The following TCF7L2 variants were observed in gnomAD, a reference collection of about 807,000 sequenced individuals.
TCF7L2 encodes transcription factor 7-like 2.
A neutral mutation model predicts 77.9 loss-of-function variants in TCF7L2; 23 were observed. The observed-to-expected ratio is 0.30, with a 90% CI of 0.21 to 0.42. The LOEUF (loss-of-function observed/expected upper bound fraction) is 0.42. TCF7L2 is among the 10% of genes least tolerant of loss of function. The pLI, the probability that TCF7L2 is intolerant of heterozygous loss-of-function variation, is 1.00. For synonymous variants in TCF7L2, 413 were observed against 340.2 expected, an observed-to-expected ratio of 1.21 and a Z score of -2.36; for missense variants, 654 against 793.1, an observed-to-expected ratio of 0.82 and a Z score of 2.11.
intron 4 of TCF7L2, among the ~76,000 whole-genome samples, chr10:112,979,775 A>T (rs1479595773): frequency 6.6e-6 from 1 of 151,106 alleles, no homozygotes; most frequent in African/African-American, 2.4e-5. Context: ...TAAAAAAAAT[A>T]AAAAAAATAA....
At chr10:112,989,190 G>A (rs182076828) in intron 4 of TCF7L2, among the ~76,000 whole-genome samples, 8 of 152,118 alleles carry the variant, frequency 5.3e-5, no homozygotes, top group Admixed American at 5.2e-4. Context: ...TAAAATGAAA[G>A]CCTCTTTTTT....
intron 8 of TCF7L2, among the ~76,000 whole-genome samples, chr10:113,148,157 C>G (rs936459171): frequency 1.3e-5 from 2 of 152,218 alleles, no homozygotes; most frequent in East Asian, 3.9e-4. Flanking sequence ...ATACTTTAAA[C>G]ACCATGGAGA....
At chr10:113,158,760 T>G in intron 12 of TCF7L2, 43 bp downstream of exon 13, 2 of 1,585,854 alleles carry the variant, frequency 1.3e-6, no homozygotes, top group Non-Finnish European at 8.6e-7. Flanking sequence ...TGATAAACTG[T>G]TTTTTAATTT....
At chr10:113,159,227 TGCTTAAATGCTGCTATGA>T (rs1275917362) in intron 12 of TCF7L2, among the ~76,000 whole-genome samples, 1 of 152,194 alleles carries the variant, frequency 6.6e-6, no homozygotes, top group Admixed American at 6.5e-5. Flanking sequence ...TGACTGTGCC[TGCTTAAATGCTGCTATGA>T]GCTTCTAACT....
Position 112,951,893 on chromosome 10 carries a change from A to AG in TCF7L2, c.381+294dup, listed in dbSNP as rs55688545. 30,851 of 142,794 alleles carry AG rather than the reference A, an allele frequency of 0.22. 3,532 individuals carry two copies. The highest frequency in any genetic ancestry group is 0.27 in the Admixed American group (3,985 of 14,544). The allele number at this position is 142,794 out of a possible 1,614,324, so 8.8% of individuals were successfully genotyped here. The stretch of plus-strand genomic sequence containing the variant: ...TCCAAGCAGGGCTTTGTTGGTGGGG[A>AG]GGGGGGGGAATCCGAAGAACTTTCC... On this transcript the variant is annotated intron_variant, in intron 3 of 13. Transcript: ENST00000627217.
intron 4 of TCF7L2, among the ~76,000 whole-genome samples, chr10:112,997,998 C>T (rs1043816826): frequency 2.0e-5 from 3 of 149,560 alleles, no homozygotes; most frequent in Non-Finnish European, 4.4e-5. Context: ...AAACAAAAAA[C>T]AAAAAAAAGG....
At chr10:112,951,120 C>A in intron 1 of TCF7L2, 87 bp from the exon 2 acceptor site, 1 of 1,252,462 alleles carries the variant, frequency 8.0e-7, no homozygotes, top group Non-Finnish European at 1.1e-6. Flanking sequence ...ACCCCCCCCT[C>A]GACCTCGCCG....
At chr10:113,157,990 G>A in intron 11 of TCF7L2, 31 bp from the exon 12 acceptor site, 1 of 1,566,350 alleles carries the variant, frequency 6.4e-7, no homozygotes, top group East Asian at 2.3e-5. Context: ...GTTTCTTGCA[G>A]TAATTCCCTG....
intron 5 of TCF7L2, among the ~76,000 whole-genome samples, chr10:113,109,044 C>T (rs1000191621): frequency 4.6e-5 from 7 of 152,154 alleles, no homozygotes; most frequent in Non-Finnish European, 7.3e-5. Flanking sequence ...CAATCCCTGC[C>T]GACAGTGTGT....
chr10:113,017,089 A>G (rs565060113), intron 4 of TCF7L2, among the ~76,000 whole-genome samples: 3 of 152,296 alleles, frequency 2.0e-5, no homozygotes, highest in African/African-American at 4.8e-5. Context: ...TCTGTCTCCT[A>G]TAAACATGGA....
intron 4 of TCF7L2, among the ~76,000 whole-genome samples, chr10:113,038,890 T>G (rs1338112474): frequency 3.3e-5 from 5 of 152,266 alleles, no homozygotes; most frequent in African/African-American, 1.2e-4. Flanking sequence ...TTGAGTAAAG[T>G]TTTCTATAGA....
chr10:113,050,232 G>T (rs1197930158), intron 5 of TCF7L2, among the ~76,000 whole-genome samples: 2 of 152,182 alleles, frequency 1.3e-5, no homozygotes, highest in African/African-American at 4.8e-5. Context: ...TGCTCTGAGG[G>T]CACAAGCTGC....
At chr10:113,016,452 G>A (rs1244543449) in intron 4 of TCF7L2, among the ~76,000 whole-genome samples, 1 of 152,186 alleles carries the variant, frequency 6.6e-6, no homozygotes, top group Non-Finnish European at 1.5e-5. Flanking sequence ...TGAGGTGAGA[G>A]GGTGGGGATT....
At chr10:113,081,574 C>T (rs1319723815) in intron 5 of TCF7L2, among the ~76,000 whole-genome samples, 3 of 152,252 alleles carry the variant, frequency 2.0e-5, no homozygotes, top group Middle Eastern at 3.4e-3. Flanking sequence ...CATGCTTGCT[C>T]GCTATTGACT....
chr10:112,966,466 C>T (rs2036935467), intron 4 of TCF7L2, among the ~76,000 whole-genome samples: 1 of 151,936 alleles, frequency 6.6e-6, no homozygotes, highest in African/African-American at 2.4e-5. Context: ...GAGAACAAGC[C>T]CAAACCCTAA....
intron 3 of TCF7L2, among the ~76,000 whole-genome samples, chr10:112,959,356 T>G (rs1463951344): frequency 1.3e-5 from 2 of 152,178 alleles, no homozygotes; most frequent in Non-Finnish European, 2.9e-5. Flanking sequence ...GGTGGATACG[T>G]ATAGAAGCTG....
intron 8 of TCF7L2, 85 bp from the exon 9 acceptor site, chr10:113,150,913 T>C (rs1337232562): frequency 6.4e-6 from 10 of 1,558,496 alleles, no homozygotes; most frequent in Non-Finnish European, 8.7e-6. Context: ...GTGCTGTTTT[T>C]TTTTTTCTTT....
chr10:112,969,442 T>G (rs1019845575), intron 4 of TCF7L2, among the ~76,000 whole-genome samples: 3 of 152,246 alleles, frequency 2.0e-5, no homozygotes, highest in Non-Finnish European at 4.4e-5. Context: ...AAAGTTCTAG[T>G]AACATTCTCC....
intron 4 of TCF7L2, 144 bp from the exon 5 acceptor site, chr10:113,039,881 C>CT: frequency 1.5e-6 from 1 of 689,404 alleles, no homozygotes; most frequent in Non-Finnish European, 2.4e-6. Context: ...GAATTGCATG[C>CT]TTTTTTATTT....
Sources: gnomAD v4.1 joint callset for allele counts (sites outside exome capture counted in the v4.1 genomes callset) on GRCh38, gnomAD v4.1.1 for gene constraint, MANE v1.5 for transcripts, NCBI Gene and HGNC (gene_info 2026-07-23, HGNC 2026-07-21) for gene names.